Variants in KCTD16 observed in about 807,000 individuals in gnomAD.
KCTD16 encodes the protein BTB/POZ domain-containing protein KCTD16.
KCTD16 carries 13 observed loss-of-function variants against 33.2 expected under a neutral mutation model. That is an observed-to-expected ratio of 0.39 (90% confidence interval 0.25 to 0.62). The LOEUF (loss-of-function observed/expected upper bound fraction) is 0.62. KCTD16 is among the 20% of genes least tolerant of loss of function. KCTD16 has a pLI of 0.50. For synonymous variants in KCTD16, 197 were observed against 195.3 expected (o/e 1.01, Z -0.07); for missense variants, 441 against 525.1 (o/e 0.84, Z 1.57).
At chr5:144,337,287 G>T (rs2126895954) in intron 3 of KCTD16, among the ~76,000 whole-genome samples, 1 of 152,114 alleles carries the variant, frequency 6.6e-6, no homozygotes, top group Non-Finnish European at 1.5e-5. Flanking sequence ...AAATTTTATA[G>T]TTCCTAATAA....
intron 3 of KCTD16, among the ~76,000 whole-genome samples, chr5:144,328,080 T>C (rs1215271390): frequency 6.6e-6 from 1 of 152,076 alleles, no homozygotes; most frequent in Non-Finnish European, 1.5e-5. Flanking sequence ...TCTCCTCACT[T>C]AGAAAGTGAG....
At chr5:144,185,479 A>G (rs1368300641) in intron 2 of KCTD16, among the ~76,000 whole-genome samples, 1 of 152,124 alleles carries the variant, frequency 6.6e-6, no homozygotes. Flanking sequence ...TTCCCAAATC[A>G]CATCTTTTTT....
At position 144,442,505 on chromosome 5, in the gene KCTD16, CT is replaced by C. The variant is rs1299682405; in HGVS notation, c.833-31150del. Among the ~76,000 whole-genome samples the C allele has an allele frequency of 3.3e-5, 5 of 149,636 alleles. No individual in the cohort carries two copies. In the East Asian group the frequency reaches 9.8e-4, roughly 29 times the overall value. On this transcript the variant is annotated intron_variant, in intron 3 of 3. Transcript: ENST00000512467. The stretch of plus-strand genomic sequence containing the variant: ...TCGTTCTTTCTGCCTTTCTATTTAT[CT>C]TTTTCTTTCCCTCCTTCCCTCCCTC...
intron 3 of KCTD16, among the ~76,000 whole-genome samples, chr5:144,459,477 G>A (rs948107573): frequency 2.6e-5 from 4 of 151,638 alleles, no homozygotes; most frequent in Non-Finnish European, 5.9e-5. Flanking sequence ...TCAGCCTCCC[G>A]AGTAGTTGGG....
intron 3 of KCTD16, among the ~76,000 whole-genome samples, chr5:144,299,060 A>T (rs1460372693): frequency 1.1e-5 from 1 of 90,986 alleles, no homozygotes; most frequent in African/African-American, 4.4e-5. Context: ...ATATATATAT[A>T]TATATATATA....
At chr5:144,307,907 G>C (rs928495179) in intron 3 of KCTD16, among the ~76,000 whole-genome samples, 3 of 152,172 alleles carry the variant, frequency 2.0e-5, no homozygotes, top group Admixed American at 6.6e-5. Flanking sequence ...CGCTGATCTT[G>C]GCCCAGCCGT....
Position 144,476,934 on chromosome 5 carries a change from T to C in KCTD16, c.*2820T>C, listed in dbSNP as rs1754607865. 6.6e-6 allele frequency: 1 copy of C among 152,162 alleles called. No homozygotes were observed. The highest frequency in any genetic ancestry group is 6.5e-5 in the Admixed American group (1 of 15,280). 9.4% of individuals were successfully genotyped at this position (152,162 alleles called of 1,614,324 possible). On this transcript the variant is annotated 3_prime_UTR_variant, in exon 4 of 4. Transcript: ENST00000512467. ...CGAACATTGGTTATGACAAGGGCCA[T>C]AAATTGCTAATATAAAGAAGTTAGT...
At chr5:144,245,012 G>T (rs1184058527) in intron 3 of KCTD16, among the ~76,000 whole-genome samples, 1 of 152,182 alleles carries the variant, frequency 6.6e-6, no homozygotes, top group African/African-American at 2.4e-5. Context: ...GATATGAGAA[G>T]ACAATGATCA....
chr5:144,379,044 T>C (rs915760844), intron 3 of KCTD16, among the ~76,000 whole-genome samples: 13 of 152,228 alleles, frequency 8.5e-5, no homozygotes, highest in African/African-American at 3.1e-4. Flanking sequence ...CCTGGAATAC[T>C]GACGTTTGGC....
At chr5:144,451,239 T>C (rs989418954) in intron 3 of KCTD16, among the ~76,000 whole-genome samples, 2 of 152,122 alleles carry the variant, frequency 1.3e-5, no homozygotes, top group African/African-American at 4.8e-5. Flanking sequence ...AAGACATCTC[T>C]AGTAAATTAG....
chr5:144,284,979 A>C (rs747522473), intron 3 of KCTD16, among the ~76,000 whole-genome samples: 1 of 152,198 alleles, frequency 6.6e-6, no homozygotes, highest in Non-Finnish European at 1.5e-5. Flanking sequence ...GTAAACCACC[A>C]CCATTTCATG....
chr5:144,418,710 T>A (rs972194872), intron 3 of KCTD16, among the ~76,000 whole-genome samples: 1 of 152,220 alleles, frequency 6.6e-6, no homozygotes, highest in African/African-American at 2.4e-5. Flanking sequence ...CTTTTCTCAC[T>A]TTAACAAGTG....
At chr5:144,312,553 T>C (rs137935787) in intron 3 of KCTD16, among the ~76,000 whole-genome samples, 1 of 152,294 alleles carries the variant, frequency 6.6e-6, no homozygotes, top group Non-Finnish European at 1.5e-5. Flanking sequence ...AGTATATAAA[T>C]TCAGTTTGTT....
chr5:144,360,044 AG>A (rs1487338200), intron 3 of KCTD16, among the ~76,000 whole-genome samples: 1 of 152,122 alleles, frequency 6.6e-6, no homozygotes, highest in Non-Finnish European at 1.5e-5. Flanking sequence ...ATGAAAACCT[AG>A]TTAGCATTAC....
chr5:144,286,614 A>C (rs1197739429), intron 3 of KCTD16, among the ~76,000 whole-genome samples: 4 of 152,212 alleles, frequency 2.6e-5, no homozygotes, highest in Non-Finnish European at 5.9e-5. Context: ...TGCTGGAGAA[A>C]CAGACGTTAT....
intron 3 of KCTD16, among the ~76,000 whole-genome samples, chr5:144,454,215 A>G (rs1754011027): frequency 6.6e-6 from 1 of 152,166 alleles, no homozygotes; most frequent in Non-Finnish European, 1.5e-5. Context: ...GAAGCTACCC[A>G]CCCAATCAGT....
chr5:144,293,203 T>C (rs1009938860), intron 3 of KCTD16, among the ~76,000 whole-genome samples: 3 of 152,214 alleles, frequency 2.0e-5, no homozygotes, highest in Non-Finnish European at 2.9e-5. Flanking sequence ...CTCTATTTGA[T>C]GGTTTGTGGC....
intron 3 of KCTD16, among the ~76,000 whole-genome samples, chr5:144,356,753 C>T (rs1420902981): frequency 6.6e-6 from 1 of 152,042 alleles, no homozygotes; most frequent in Non-Finnish European, 1.5e-5. Context: ...AACATAGTTT[C>T]TCCCCAACAC....
Position 144,174,298 on chromosome 5 carries a change from G to T in KCTD16, c.-492-9G>T, listed in dbSNP as rs1222377461. On this transcript the variant is annotated splice_polypyrimidine_tract_variant and intron_variant, in intron 1 of 3. Coordinates refer to ENST00000512467, the MANE Select transcript of KCTD16 (RefSeq NM_020768.4). Reference sequence around the variant, plus strand: ...TTTAGAGTTACTTTCTTTCCCTTCTGTTTTTCAGTTCATATGTCATGAAAA... The same window carrying T: ...TTTAGAGTTACTTTCTTTCCCTTCTTTTTTTCAGTTCATATGTCATGAAAA... 2 of 152,120 alleles carry T rather than the reference G, an allele frequency of 1.3e-5. No homozygotes were observed. Among genetic ancestry groups the T allele is most frequent in the African/African-American group, 4.8e-5 (2 of 41,396 alleles). The allele number at this position is 152,120 out of a possible 1,614,324, so 9.4% of individuals were successfully genotyped here.
Sources: allele counts gnomAD v4.1 joint callset (sites outside exome capture counted in the v4.1 genomes callset), GRCh38; gene constraint gnomAD v4.1.1; transcripts MANE v1.5; gene names NCBI Gene and HGNC (gene_info 2026-07-23, HGNC 2026-07-21).